LRRC7: variants seen among roughly 807,000 people sequenced by gnomAD.
LRRC7 encodes leucine-rich repeat-containing protein 7.
LRRC7 carries 23 observed loss-of-function variants against 175.7 expected under a neutral mutation model. The observed-to-expected ratio is 0.13, with a 90% CI of 0.09 to 0.19. The LOEUF (loss-of-function observed/expected upper bound fraction) is 0.19. LRRC7 is among the 10% of genes least tolerant of loss of function. The pLI is 1.00. For synonymous variants in LRRC7, 685 were observed against 680.9 expected, an observed-to-expected ratio of 1.01 and a Z score of -0.09; for missense variants, 1,354 against 1,904.7, an observed-to-expected ratio of 0.71 and a Z score of 5.38.
intron 24 of LRRC7, among the ~76,000 whole-genome samples, chr1:70,079,239 A>G (rs1663036696): frequency 6.6e-6 from 1 of 152,200 alleles, no homozygotes. Context: ...TTAAGTGCAA[A>G]GAGCAGTGAG....
chr1:69,718,152 G>GAAAGAAAGAAAGA (rs1665917087), intron 2 of LRRC7, among the ~76,000 whole-genome samples: 2 of 146,202 alleles, frequency 1.4e-5, no homozygotes, highest in Admixed American at 1.4e-4. Flanking sequence ...GAGAAAGAAA[G>GAAAGAAAGAAAGA]AAAGAAAGAA....
chr1:70,037,990 A>C, intron 20 of LRRC7, 123 bp from the exon 21 acceptor site: 2 of 1,246,672 alleles, frequency 1.6e-6, no homozygotes. Context: ...CTTAATCATA[A>C]GTCAGGTGAG....
chr1:70,019,270 T>A (rs1657235522), intron 15 of LRRC7, among the ~76,000 whole-genome samples: 1 of 152,010 alleles, frequency 6.6e-6, no homozygotes, highest in Admixed American at 6.6e-5. Flanking sequence ...ATGGTCTAAG[T>A]CAACCATAAA....
intron 23 of LRRC7, among the ~76,000 whole-genome samples, chr1:70,063,489 G>T (rs1487794813): frequency 6.6e-6 from 1 of 152,048 alleles, no homozygotes; most frequent in Non-Finnish European, 1.5e-5. Flanking sequence ...ATGGACCAAT[G>T]AAGTAAAGAC....
rs539955603 is a variant in LRRC7, at chr1:69,749,916, C to A, written c.101-10275C>A. On this transcript the variant is annotated intron_variant, in intron 2 of 26. Transcript: ENST00000651989. ...TTCTCTACTAAAATATAAAAATTAG[C>A]CAGGCATGGTGGCATGTGCCTGTAG... Among the ~76,000 whole-genome samples the A allele has an allele frequency of 1.2e-3, 178 of 152,024 alleles. 1 individual carries two copies. Among genetic ancestry groups the A allele is most frequent in the African/African-American group, 4.2e-3 (174 of 41,474 alleles).
chr1:69,718,101 A>AAG (rs6143269), intron 2 of LRRC7, among the ~76,000 whole-genome samples: 36 of 103,788 alleles, frequency 3.5e-4, no homozygotes, highest in African/African-American at 1.0e-3. Flanking sequence ...AAAGAGAAGA[A>AAG]AGAGAGAAAA....
At position 70,143,294 on chromosome 1, in the gene LRRC7, GAGAA is replaced by G. The variant is rs1667154500; in HGVS notation, c.*21412_*21415del. On this transcript the variant is annotated 3_prime_UTR_variant, in exon 27 of 27. Coordinates refer to ENST00000651989, the MANE Select transcript of LRRC7 (RefSeq NM_001370785.2). Reference sequence around the variant, plus strand: ...CAAGTAACCAGAGCTCCTTTAGCCAGAGAAAGAACTTGAATTGGGATCTGATTTC... The same window carrying G: ...CAAGTAACCAGAGCTCCTTTAGCCAGAGAACTTGAATTGGGATCTGATTTC... The G allele has an allele frequency of 1.3e-5, 2 of 151,490 alleles. No homozygotes were observed. Among genetic ancestry groups the G allele is most frequent in the South Asian group, 4.2e-4 (2 of 4,798 alleles). 9.4% of individuals were successfully genotyped at this position (151,490 alleles called of 1,614,324 possible). A position where few individuals can be genotyped will look rare whatever the true frequency, so the allele number is the denominator to read the frequency against.
At chr1:69,669,431 G>T (rs1658738730) in intron 1 of LRRC7, among the ~76,000 whole-genome samples, 1 of 152,110 alleles carries the variant, frequency 6.6e-6, no homozygotes, top group Non-Finnish European at 1.5e-5. Flanking sequence ...TGAAAAGTCT[G>T]CTGCAAGATG....
At chr1:69,652,034 C>T (rs1389372986) in intron 1 of LRRC7, among the ~76,000 whole-genome samples, 1 of 152,110 alleles carries the variant, frequency 6.6e-6, no homozygotes, top group Non-Finnish European at 1.5e-5. Flanking sequence ...TGCATTTCAG[C>T]TCCTGGAATG....
At chr1:70,112,578 T>C (rs1435736978) in intron 26 of LRRC7, among the ~76,000 whole-genome samples, 1 of 152,168 alleles carries the variant, frequency 6.6e-6, no homozygotes, top group Non-Finnish European at 1.5e-5. Flanking sequence ...TATAAAAGTG[T>C]GTATCCTGGG....
chr1:70,025,732 A>G (rs1413174836), intron 17 of LRRC7, among the ~76,000 whole-genome samples: 2 of 151,694 alleles, frequency 1.3e-5, no homozygotes, highest in African/African-American at 4.8e-5. Flanking sequence ...CTCCAAGGCC[A>G]GTAAATTCTG....
chr1:69,579,780 C>G (rs1198161552), intron 1 of LRRC7, among the ~76,000 whole-genome samples: 1 of 143,276 alleles, frequency 7.0e-6, no homozygotes, highest in African/African-American at 2.6e-5. Flanking sequence ...AGGAGTGTCT[C>G]TTTTGAATAG....
chr1:70,099,478 T>C (rs552342815), intron 25 of LRRC7, among the ~76,000 whole-genome samples: 11 of 150,222 alleles, frequency 7.3e-5, no homozygotes, highest in Admixed American at 3.3e-4. Context: ...CCAGGGCAAT[T>C]AGGCAGGAGA....
rs190535873 is a variant in LRRC7 at position 70,040,246 on chromosome 1, A to G, written c.3969+453A>G. Among the ~76,000 whole-genome samples the G allele has an allele frequency of 2.0e-3, 308 of 152,352 alleles. 2 individuals are homozygous for G. Among genetic ancestry groups the G allele is most frequent in the African/African-American group, 7.2e-3 (298 of 41,588 alleles). On this transcript the variant is annotated intron_variant, in intron 21 of 26. Transcript: ENST00000651989. ...CCTAATTTGTTTATAAAATTTGCACATAGTTACTGCTATGGGACTACTAGT... is the reference window on the plus strand; with the variant it reads ...CCTAATTTGTTTATAAAATTTGCACGTAGTTACTGCTATGGGACTACTAGT...
rs115500219 is a variant in LRRC7, at chr1:69,902,745, C to T, written c.648-28762C>T. Among the ~76,000 whole-genome samples, 367 of 152,204 alleles carry T rather than the reference C, an allele frequency of 2.4e-3. 3 individuals carry two copies. Among genetic ancestry groups the T allele is most frequent in the African/African-American group, 8.6e-3 (356 of 41,542 alleles). The stretch of plus-strand genomic sequence containing the variant: ...AATTAGCCAAGTGTTATCACATTGA[C>T]AAAAAATTAATCTTTATTCAATAAA... On this transcript the variant is annotated intron_variant, in intron 7 of 26. Transcript: ENST00000651989.
At chr1:69,645,368 A>G (rs1654859677) in intron 1 of LRRC7, among the ~76,000 whole-genome samples, 1 of 152,032 alleles carries the variant, frequency 6.6e-6, no homozygotes, top group African/African-American at 2.4e-5. Flanking sequence ...GTGGGCCTTC[A>G]CCATATAGAG....
chr1:70,008,855 G>T lies in LRRC7; in HGVS notation c.1005-2942G>T, dbSNP rs1656226152. 2.0e-5 allele frequency among the ~76,000 whole-genome samples: 3 copies of T among 152,176 alleles called. 1 individual carries two copies. The highest frequency in any genetic ancestry group is 7.2e-5 in the African/African-American group (3 of 41,444). On this transcript the variant is annotated intron_variant, in intron 11 of 26. Transcript: ENST00000651989. ...GAAGGGCAATGACCAATCATTGACA[G>T]ACTTTGAAGGAAGTGACGTGACCGG...
intron 26 of LRRC7, among the ~76,000 whole-genome samples, chr1:70,110,493 G>T (rs1298270873): frequency 1.3e-5 from 2 of 151,040 alleles, no homozygotes; most frequent in East Asian, 3.9e-4. Flanking sequence ...GGTTATGAGG[G>T]TTCAGTATTT....
chr1:69,907,295 A>G (rs191269410), intron 7 of LRRC7, among the ~76,000 whole-genome samples: 325 of 152,214 alleles, frequency 2.1e-3, no homozygotes, highest in South Asian at 0.021. Context: ...TTCCAACACT[A>G]TGTTGAATAG....
Sources: allele counts gnomAD v4.1 joint callset (sites outside exome capture counted in the v4.1 genomes callset), GRCh38; gene constraint gnomAD v4.1.1; transcripts MANE v1.5; gene names NCBI Gene and HGNC (gene_info 2026-07-23, HGNC 2026-07-21).